Variants in JMJD1C observed in about 807,000 individuals in gnomAD.
JMJD1C encodes the protein jumonji domain containing 1C.
JMJD1C carries 31 observed loss-of-function variants against 245.3 expected under a neutral mutation model. The observed-to-expected ratio is 0.13, with a 90% CI of 0.09 to 0.17. JMJD1C has a LOEUF of 0.17. Among genes scored for constraint, JMJD1C ranks in the 10% least tolerant of loss-of-function variants. The probability of loss-of-function intolerance (pLI) is 1.00; values close to 1 mark genes in which losing one functional copy is unlikely to be tolerated. For synonymous variants in JMJD1C, 1,057 were observed against 1,017.4 expected, an observed-to-expected ratio of 1.04 and a Z score of -0.74; for missense variants, 2,691 against 3,000.2, an observed-to-expected ratio of 0.90 and a Z score of 2.41.
At chr10:63,325,580 C>T (rs1035796876) in intron 2 of JMJD1C, among the ~76,000 whole-genome samples, 1 of 152,024 alleles carries the variant, frequency 6.6e-6, no homozygotes, top group Non-Finnish European at 1.5e-5. Flanking sequence ...TATCTAGAGC[C>T]TAAAAAGAAC....
intron 3 of JMJD1C, among the ~76,000 whole-genome samples, chr10:63,259,714 C>T (rs1854453125): frequency 6.6e-6 from 1 of 152,184 alleles, no homozygotes; most frequent in African/African-American, 2.4e-5. Context: ...AGTCTTTAAG[C>T]AATCTTTAGT....
At chr10:63,420,902 A>T (rs536250553) in intron 1 of JMJD1C, among the ~76,000 whole-genome samples, 82 of 152,304 alleles carry the variant, frequency 5.4e-4, no homozygotes, top group Non-Finnish European at 1.0e-3. Flanking sequence ...CAAACATTGT[A>T]TAATGGAGAC....
At chr10:63,332,257 T>C (rs948855437) in intron 2 of JMJD1C, among the ~76,000 whole-genome samples, 1 of 152,198 alleles carries the variant, frequency 6.6e-6, no homozygotes, top group Non-Finnish European at 1.5e-5. Context: ...AGAAAAAGGT[T>C]CAGCTGGATA....
At chr10:63,472,656 A>C (rs1953529505) in intron 1 of JMJD1C, among the ~76,000 whole-genome samples, 1 of 152,042 alleles carries the variant, frequency 6.6e-6, no homozygotes, top group South Asian at 2.1e-4. Flanking sequence ...TATATTCACA[A>C]GTTTTAAAAT....
intron 3 of JMJD1C, among the ~76,000 whole-genome samples, chr10:63,247,884 A>G (rs961484926): frequency 6.6e-6 from 1 of 152,140 alleles, no homozygotes; most frequent in Non-Finnish European, 1.5e-5. Context: ...AGAGGAGGGA[A>G]TACTTCCAAA....
intron 2 of JMJD1C, among the ~76,000 whole-genome samples, chr10:63,321,490 G>T (rs1940857634): frequency 6.6e-6 from 1 of 152,184 alleles, no homozygotes; most frequent in Non-Finnish European, 1.5e-5. Context: ...GCTCATGTCT[G>T]CTGGAGATCT....
intron 12 of JMJD1C, among the ~76,000 whole-genome samples, chr10:63,198,009 A>C (rs971426677): frequency 2.0e-5 from 3 of 152,238 alleles, no homozygotes; most frequent in Non-Finnish European, 2.9e-5. Context: ...GAAGGAAAAG[A>C]AGCTAATATT....
intron 2 of JMJD1C, among the ~76,000 whole-genome samples, chr10:63,337,717 G>C (rs1430291699): frequency 6.6e-6 from 1 of 152,026 alleles, no homozygotes; most frequent in Non-Finnish European, 1.5e-5. Flanking sequence ...ATAGATTACA[G>C]ATTCCCTCAT....
intron 2 of JMJD1C, among the ~76,000 whole-genome samples, chr10:63,281,111 C>A (rs183846301): frequency 6.7e-6 from 1 of 148,540 alleles, no homozygotes; most frequent in African/African-American, 2.5e-5. Flanking sequence ...GGATTACAGG[C>A]GTGAGCCACC....
chr10:63,444,477 T>C (rs1443989537), intron 1 of JMJD1C, among the ~76,000 whole-genome samples: 1 of 152,162 alleles, frequency 6.6e-6, no homozygotes, highest in African/African-American at 2.4e-5. Flanking sequence ...TTTCACCATG[T>C]TGGCCAGGCT....
intron 2 of JMJD1C, among the ~76,000 whole-genome samples, chr10:63,304,171 C>T (rs1937678930): frequency 6.6e-6 from 1 of 152,096 alleles, no homozygotes; most frequent in African/African-American, 2.4e-5. Context: ...TTGTTATGAC[C>T]TCAAAATGGG....
chr10:63,362,275 T>C (rs1945443747), intron 2 of JMJD1C, among the ~76,000 whole-genome samples: 1 of 151,684 alleles, frequency 6.6e-6, no homozygotes, highest in Non-Finnish European at 1.5e-5. Context: ...AAGAAGTGTT[T>C]ACCAATAAAA....
intron 2 of JMJD1C, among the ~76,000 whole-genome samples, chr10:63,292,845 G>A (rs1424369329): frequency 1.3e-5 from 2 of 152,134 alleles, no homozygotes; most frequent in African/African-American, 2.4e-5. Flanking sequence ...AGGAGTTAGA[G>A]ACCAGCCTGG....
chr10:63,321,703 A>C (rs1275304421), intron 2 of JMJD1C, among the ~76,000 whole-genome samples: 1 of 152,252 alleles, frequency 6.6e-6, no homozygotes, highest in African/African-American at 2.4e-5. Context: ...CCTCTGCACT[A>C]TCCTGAATTG....
At chr10:63,292,948 G>A (rs1858954000) in intron 2 of JMJD1C, among the ~76,000 whole-genome samples, 1 of 152,038 alleles carries the variant, frequency 6.6e-6, no homozygotes, top group Non-Finnish European at 1.5e-5. Flanking sequence ...AGAAGCTGAG[G>A]CAGGAAAATC....
At chr10:63,234,152 A>T (rs1258531354) in intron 3 of JMJD1C, among the ~76,000 whole-genome samples, 1 of 151,294 alleles carries the variant, frequency 6.6e-6, no homozygotes, top group African/African-American at 2.4e-5. Flanking sequence ...AGGTGGACTT[A>T]ATCACTTGAG....
At position 63,260,845 on chromosome 10, in the gene JMJD1C, C is replaced by T. The variant is rs112040168; in HGVS notation, c.447+3806G>A. Among the ~76,000 whole-genome samples, 462 of 152,222 alleles carry T rather than the reference C, an allele frequency of 3.0e-3. 2 individuals are homozygous for T. Among genetic ancestry groups the T allele is most frequent in the African/African-American group, 0.01 (430 of 41,540 alleles). ...TGACCTCATGATCCGCCCGCTTCGG[C>T]TTCTCAAAGTGCTGGGATTACAGGC... On this transcript the variant is annotated intron_variant, in intron 3 of 25. Coordinates refer to ENST00000399262, the MANE Select transcript of JMJD1C (RefSeq NM_032776.3).
Position 63,207,586 on chromosome 10 carries a change from T to C in JMJD1C, c.4083A>G (p.Ser1361=), listed in dbSNP as rs1444663339. The change falls in exon 10 of 26, where the codon TCA becomes TCG. Residue 1361 remains serine (S), a synonymous_variant. Coordinates refer to ENST00000399262, the MANE Select transcript of JMJD1C (RefSeq NM_032776.3). ...TGRIILPNVN[S]DSVHTKSEKN... is the part of the protein sequence containing the mutation. ...TTTCAGATTTTGTGTGAACACTGTC[T>C]GAATTCACATTTGGCAAAATGATTC... 1 of 1,614,224 alleles carries C rather than the reference T, an allele frequency of 6.2e-7. No individual in the cohort carries two copies. The highest frequency in any genetic ancestry group is 1.1e-5 in the South Asian group (1 of 91,086).
At chr10:63,307,485 T>C (rs575221979) in intron 2 of JMJD1C, among the ~76,000 whole-genome samples, 1 of 152,100 alleles carries the variant, frequency 6.6e-6, no homozygotes, top group South Asian at 2.1e-4. Context: ...AAATACCTCA[T>C]AAGGACAGGG....
Sources: allele counts gnomAD v4.1 joint callset (sites outside exome capture counted in the v4.1 genomes callset), GRCh38; gene constraint gnomAD v4.1.1; transcripts MANE v1.5; gene names NCBI Gene and HGNC (gene_info 2026-07-23, HGNC 2026-07-21).